HSD17B12: variants seen among roughly 807,000 people sequenced by gnomAD.
HSD17B12 encodes very-long-chain 3-oxoacyl-CoA reductase.
A neutral mutation model predicts 39.3 loss-of-function variants in HSD17B12; 32 were observed. The ratio of observed to expected loss-of-function variants is 0.81; its 90% confidence interval spans 0.61 to 1.09. The LOEUF (loss-of-function observed/expected upper bound fraction) is 1.09. Among genes scored for constraint, HSD17B12 ranks in the 50% least tolerant of loss-of-function variants. HSD17B12 has a pLI of 0.00. For synonymous variants in HSD17B12, 150 were observed against 146.7 expected, an observed-to-expected ratio of 1.02 and a Z score of -0.16; for missense variants, 342 against 382.9, an observed-to-expected ratio of 0.89 and a Z score of 0.89.
At chr11:43,834,571 G>A (rs1377764168) in intron 7 of HSD17B12, among the ~76,000 whole-genome samples, 2 of 152,170 alleles carry the variant, frequency 1.3e-5, no homozygotes, top group African/African-American at 4.8e-5. Flanking sequence ...CGTCCTCTAT[G>A]ACAGTAGAAT....
the HSD17B12 span, among the ~76,000 whole-genome samples, chr11:43,585,178 AT>A: frequency 1.3e-5 from 2 of 152,156 alleles, no homozygotes; most frequent in South Asian, 4.1e-4. Flanking sequence ...GCCTCTGGAT[AT>A]TTTTTTTGAA....
the HSD17B12 span, among the ~76,000 whole-genome samples, chr11:43,608,353 ACT>A: frequency 1.5e-5 from 2 of 132,374 alleles, no homozygotes; most frequent in African/African-American, 5.3e-5. Flanking sequence ...CCAGAGTGAG[ACT>A]CTGTCTCAAA....
At chr11:43,788,179 A>G (rs1171938623) in intron 3 of HSD17B12, among the ~76,000 whole-genome samples, 1 of 152,182 alleles carries the variant, frequency 6.6e-6, no homozygotes, top group South Asian at 2.1e-4. Flanking sequence ...GTTATCCTGC[A>G]TGGAAAATTG....
At chr11:43,827,533 A>G (rs1305245111) in intron 6 of HSD17B12, among the ~76,000 whole-genome samples, 3 of 152,200 alleles carry the variant, frequency 2.0e-5, no homozygotes, top group African/African-American at 7.2e-5. Flanking sequence ...TAGAAATAAG[A>G]TTGTGGAGGC....
intron 4 of HSD17B12, among the ~76,000 whole-genome samples, chr11:43,812,733 T>G (rs1339377564): frequency 6.6e-6 from 1 of 152,208 alleles, no homozygotes; most frequent in Non-Finnish European, 1.5e-5. Context: ...ATATGTTTTC[T>G]TATAGAGCTA....
chr11:43,766,381 G>A (rs894804139), intron 3 of HSD17B12, among the ~76,000 whole-genome samples: 7 of 152,076 alleles, frequency 4.6e-5, no homozygotes, highest in African/African-American at 1.4e-4. Context: ...CTTCTGTCAT[G>A]CATTCTTTAT....
chr11:43,767,253 TATTAAA>T (rs1160785963), intron 3 of HSD17B12, among the ~76,000 whole-genome samples: 1 of 152,204 alleles, frequency 6.6e-6, no homozygotes, highest in African/African-American at 2.4e-5. Flanking sequence ...ACCAAGGTGT[TATTAAA>T]TGAGTACCAT....
At chr11:43,795,716 G>A (rs1169974083) in intron 3 of HSD17B12, among the ~76,000 whole-genome samples, 4 of 152,336 alleles carry the variant, frequency 2.6e-5, no homozygotes, top group African/African-American at 7.2e-5. Flanking sequence ...AGAGAGGAGG[G>A]TGGGAAAATC....
intron 4 of HSD17B12, among the ~76,000 whole-genome samples, chr11:43,815,162 T>C (rs181329619): frequency 1.4e-3 from 215 of 152,266 alleles, no homozygotes; most frequent in African/African-American, 5.1e-3. Context: ...AGAATATACA[T>C]ATCCCAAAGG....
chr11:43,743,937 T>C (rs1486306153), intron 1 of HSD17B12, among the ~76,000 whole-genome samples: 1 of 152,120 alleles, frequency 6.6e-6, no homozygotes, highest in African/African-American at 2.4e-5. Context: ...AGATAATGGA[T>C]CTATAATAAG....
intron 1 of HSD17B12, among the ~76,000 whole-genome samples, chr11:43,691,801 G>A (rs949133842): frequency 6.6e-6 from 1 of 152,136 alleles, no homozygotes; most frequent in Non-Finnish European, 1.5e-5. Context: ...TCCCAGACAT[G>A]CCTGTGCTTT....
intron 1 of HSD17B12, among the ~76,000 whole-genome samples, chr11:43,691,464 G>A (rs1004336952): frequency 3.3e-5 from 5 of 152,288 alleles, no homozygotes; most frequent in African/African-American, 1.2e-4. Flanking sequence ...TTAGAATCAT[G>A]CTTTCCTTTG....
the HSD17B12 span, among the ~76,000 whole-genome samples, chr11:43,590,795 C>A: frequency 1.4e-5 from 2 of 143,200 alleles, no homozygotes; most frequent in African/African-American, 5.1e-5. Context: ...CAGGCCACTG[C>A]ACCCAGCTCG....
the HSD17B12 span, chr11:43,644,856 C>T: frequency 6.6e-6 from 1 of 152,264 alleles, no homozygotes; most frequent in Non-Finnish European, 1.5e-5. Flanking sequence ...CAGTGTCAGG[C>T]AGTTCCTACT....
chr11:43,668,627 A>G, the HSD17B12 span, among the ~76,000 whole-genome samples: 6 of 152,148 alleles, frequency 3.9e-5, no homozygotes, highest in African/African-American at 1.2e-4. Flanking sequence ...ATAAACATAA[A>G]TACTGTAAGA....
At chr11:43,626,908 G>C in the HSD17B12 span, among the ~76,000 whole-genome samples, 1 of 151,958 alleles carries the variant, frequency 6.6e-6, no homozygotes, top group Admixed American at 6.6e-5. Flanking sequence ...CCTTCAAACT[G>C]ATAGCTAAAT....
At chr11:43,710,448 C>T (rs563735039) in intron 1 of HSD17B12, among the ~76,000 whole-genome samples, 11 of 152,278 alleles carry the variant, frequency 7.2e-5, no homozygotes, top group South Asian at 4.1e-4. Context: ...CTCAGAGACA[C>T]TGCCAGAGCG....
At chr11:43,595,838 G>A in the HSD17B12 span, among the ~76,000 whole-genome samples, 1 of 152,154 alleles carries the variant, frequency 6.6e-6, no homozygotes, top group South Asian at 2.1e-4. Context: ...CACACACAGA[G>A]CGAGAGAGAG....
rs773890257 is a variant in HSD17B12, at chr11:43,774,651, C to T, written c.283+20530C>T. On this transcript the variant is annotated intron_variant, in intron 3 of 10. Coordinates refer to ENST00000278353, the MANE Select transcript of HSD17B12 (RefSeq NM_016142.3). ...ACAATTAAATGTGCTAGAGACTCTT[C>T]GAAGAGGTTTATAGAAATCAACTCA... 1.3e-3 allele frequency among the ~76,000 whole-genome samples: 198 copies of T among 152,120 alleles called. 2 individuals are homozygous for T. Among genetic ancestry groups the T allele is most frequent in the Non-Finnish European group, 7.6e-4 (52 of 68,034 alleles).
Sources: allele counts gnomAD v4.1 joint callset (sites outside exome capture counted in the v4.1 genomes callset), GRCh38; gene constraint gnomAD v4.1.1; transcripts MANE v1.5; gene names NCBI Gene and HGNC (gene_info 2026-07-23, HGNC 2026-07-21).